The following TARS3 variants were observed in gnomAD, a reference collection of about 807,000 sequenced individuals.
The protein encoded by TARS3 is threonine--tRNA ligase 2, cytoplasmic.
A neutral mutation model predicts 103.5 loss-of-function variants in TARS3; 94 were observed. That is an observed-to-expected ratio of 0.91 (90% CI 0.77 to 1.08). The LOEUF is 1.08. Ranked by LOEUF, TARS3 falls within the 50% of genes least tolerant of loss-of-function variation. The pLI is 0.00. For missense variants in TARS3, 952 were observed against 995.2 expected, an observed-to-expected ratio of 0.96 and a Z score of 0.58; for synonymous variants, 416 against 355.4, an observed-to-expected ratio of 1.17 and a Z score of -1.92.
At chr15:101,673,200 G>C (rs1032062151) in intron 13 of TARS3, among the ~76,000 whole-genome samples, 1 of 152,050 alleles carries the variant, frequency 6.6e-6, no homozygotes, top group African/African-American at 2.4e-5. Flanking sequence ...CACACCCCTG[G>C]GTGACCTCAG....
chr15:101,705,238 G>C (rs776513637), intron 7 of TARS3, among the ~76,000 whole-genome samples: 1 of 152,168 alleles, frequency 6.6e-6, no homozygotes, highest in Non-Finnish European at 1.5e-5. Flanking sequence ...GTCTCATCAT[G>C]AGTATCCTGC....
At chr15:101,723,432 G>A (rs953313829) in intron 1 of TARS3, among the ~76,000 whole-genome samples, 2 of 152,148 alleles carry the variant, frequency 1.3e-5, no homozygotes, top group Admixed American at 6.5e-5. Flanking sequence ...TGGAAAATGT[G>A]TGGTTGCTGC....
intron 6 of TARS3, among the ~76,000 whole-genome samples, chr15:101,707,551 T>C (rs547847940): frequency 1.2e-3 from 187 of 152,314 alleles, no homozygotes; most frequent in Admixed American, 2.2e-3. Flanking sequence ...TATTAAAATA[T>C]GGATGAATCT....
intron 6 of TARS3, 115 bp from the exon 7 acceptor site, chr15:101,705,862 G>T: frequency 1.2e-6 from 1 of 860,610 alleles, no homozygotes; most frequent in Non-Finnish European, 1.8e-6. Context: ...TAGGTGCTGA[G>T]ACACGAGGGA....
intron 3 of TARS3, among the ~76,000 whole-genome samples, chr15:101,718,011 T>C (rs1161123442): frequency 4.6e-5 from 7 of 152,174 alleles, no homozygotes; most frequent in Non-Finnish European, 8.8e-5. Context: ...TCAAAATATT[T>C]GATAAAACTT....
chr15:101,707,432 C>T (rs971019825), intron 6 of TARS3, among the ~76,000 whole-genome samples: 2 of 152,216 alleles, frequency 1.3e-5, no homozygotes, highest in Non-Finnish European at 2.9e-5. Flanking sequence ...AAGGCAGAAG[C>T]AACCCAAGTG....
At chr15:101,717,963 C>G (rs1196290523) in intron 3 of TARS3, among the ~76,000 whole-genome samples, 2 of 152,160 alleles carry the variant, frequency 1.3e-5, no homozygotes, top group Non-Finnish European at 2.9e-5. Context: ...GAAACAGATT[C>G]TAACATATGG....
intron 18 of TARS3, chr15:101,655,953 AC>A: frequency 7.8e-7 from 1 of 1,289,212 alleles, no homozygotes; most frequent in Non-Finnish European, 1.0e-6. Flanking sequence ...CTCTCTAGTG[AC>A]CCATATTGTG....
intron 15 of TARS3, among the ~76,000 whole-genome samples, chr15:101,669,458 T>C (rs1897712309): frequency 6.6e-6 from 1 of 152,260 alleles, no homozygotes; most frequent in East Asian, 1.9e-4. Flanking sequence ...AAATGTACAG[T>C]GTTTATAATG....
intron 7 of TARS3, among the ~76,000 whole-genome samples, chr15:101,704,574 G>C (rs1436016680): frequency 6.6e-6 from 1 of 151,306 alleles, no homozygotes; most frequent in Admixed American, 6.6e-5. Context: ...AGAATCACTT[G>C]AACCTGGGAG....
At chr15:101,665,206 C>T (rs2053701) in intron 15 of TARS3, among the ~76,000 whole-genome samples, 52,241 of 152,022 alleles carry the variant, frequency 0.34, 9,511 homozygotes, top group African/African-American at 0.46. Flanking sequence ...CGTTTGCAAA[C>T]CAATAACTTA....
intron 10 of TARS3, among the ~76,000 whole-genome samples, chr15:101,694,001 T>A (rs1898854243): frequency 1.3e-5 from 2 of 152,070 alleles, no homozygotes; most frequent in Admixed American, 1.3e-4. Context: ...AAGGCGTACA[T>A]TTTACTGCAT....
intron 12 of TARS3, among the ~76,000 whole-genome samples, chr15:101,679,628 G>A (rs545270928): frequency 2.6e-5 from 4 of 152,260 alleles, no homozygotes; most frequent in East Asian, 3.9e-4. Flanking sequence ...CAGTGTTACC[G>A]TTCATAGATT....
intron 9 of TARS3, 109 bp from the exon 10 acceptor site, chr15:101,701,293 C>G (rs1899262305): frequency 1.7e-6 from 1 of 595,170 alleles, no homozygotes; most frequent in African/African-American, 1.9e-5. Context: ...AATAGACATT[C>G]CAAGGCCATT....
In TARS3 at chr15:101,724,293, A is replaced by T; in HGVS notation, c.95T>A (p.Leu32Gln). ...GGGCGCGTTCAGCTGCTCGTCCCTCAGGCGCTCGACCTCCGACCACAGCCA... is the reference window on the plus strand; with the variant it reads ...GGGCGCGTTCAGCTGCTCGTCCCTCTGGCGCTCGACCTCCGACCACAGCCA... ...IRWLWSEVER[L>Q]RDEQLNAPYS... The change falls in exon 1 of 19, where the codon CTG becomes CAG. Residue 32 changes from leucine (L) to glutamine (Q), a missense_variant. Transcript: ENST00000335968. 6.4e-7 allele frequency: 1 copy of T among 1,573,814 alleles called. No homozygotes were observed. The highest frequency in any genetic ancestry group is 8.6e-7 in the Non-Finnish European group (1 of 1,166,452).
At chr15:101,715,430 G>A (rs1312573839) in intron 3 of TARS3, among the ~76,000 whole-genome samples, 1 of 152,128 alleles carries the variant, frequency 6.6e-6, no homozygotes, top group Admixed American at 6.5e-5. Flanking sequence ...ACAGGCGTGA[G>A]CCACCGCGCC....
intron 2 of TARS3, 104 bp from the exon 3 acceptor site, chr15:101,721,426 C>T: frequency 3.8e-6 from 3 of 780,818 alleles, no homozygotes; most frequent in Admixed American, 5.3e-5. Context: ...CTCAGTTCTA[C>T]AGATGGTCCC....
chr15:101,671,057 AACACACAC>A (rs66771228), intron 15 of TARS3, among the ~76,000 whole-genome samples: 1 of 150,548 alleles, frequency 6.6e-6, no homozygotes, highest in Non-Finnish European at 1.5e-5. Flanking sequence ...CTGTACACAC[AACACACAC>A]ACACACACAC....
chr15:101,703,773 A>G, intron 8 of TARS3, 86 bp downstream of exon 8: 1 of 799,088 alleles, frequency 1.3e-6, no homozygotes, highest in South Asian at 1.6e-5. Context: ...AGACTACAAA[A>G]GATATGATTG....
Sources: allele counts gnomAD v4.1 joint callset (sites outside exome capture counted in the v4.1 genomes callset), GRCh38; gene constraint gnomAD v4.1.1; transcripts MANE v1.5; gene names NCBI Gene and HGNC (gene_info 2026-07-23, HGNC 2026-07-21).